The following VSTM4 variants were observed in gnomAD, a reference collection of about 807,000 sequenced individuals.
VSTM4 encodes V-set and transmembrane domain-containing protein 4.
In VSTM4, 20 loss-of-function variants were observed where a neutral mutation model predicts 36.4. The observed-to-expected ratio is 0.55, with a 90% CI of 0.39 to 0.80. The LOEUF (loss-of-function observed/expected upper bound fraction) is 0.80, where lower values mean the gene tolerates loss of function less well. Ranked by LOEUF, VSTM4 falls within the 30% of genes least tolerant of loss-of-function variation. The pLI is 0.00. For synonymous variants in VSTM4, 182 were observed against 173.9 expected, an observed-to-expected ratio of 1.05 and a Z score of -0.37; for missense variants, 392 against 404.5, an observed-to-expected ratio of 0.97 and a Z score of 0.26.
chr10:49,023,555 G>A (rs1038761064), intron 7 of VSTM4, among the ~76,000 whole-genome samples: 5 of 152,226 alleles, frequency 3.3e-5, no homozygotes, highest in Middle Eastern at 3.2e-3. Context: ...GGTTAAAGCA[G>A]GTGGTTGCAA....
Position 49,048,833 on chromosome 10 carries a change from T to G in VSTM4, c.669-249A>C, listed in dbSNP as rs139223047. On this transcript the variant is annotated intron_variant, in intron 5 of 7. Transcript: ENST00000332853. ...GCCAGTTGGTGATTTATAATGAATGTGCTGTTTACAGTCCCAAATTCCTTG... is the reference window on the plus strand; with the variant it reads ...GCCAGTTGGTGATTTATAATGAATGGGCTGTTTACAGTCCCAAATTCCTTG... 2.7e-3 allele frequency among the ~76,000 whole-genome samples: 413 copies of G among 152,330 alleles called. 1 individual carries two copies. The highest frequency in any genetic ancestry group is 9.3e-3 in the African/African-American group (387 of 41,576).
At chr10:49,080,424 C>A (rs1844258255) in intron 3 of VSTM4, among the ~76,000 whole-genome samples, 1 of 152,224 alleles carries the variant, frequency 6.6e-6, no homozygotes, top group African/African-American at 2.4e-5. Context: ...AGAACCTCTG[C>A]CCCTGGAGTC....
At chr10:49,051,390 C>CTTTTT (rs796786621) in intron 5 of VSTM4, among the ~76,000 whole-genome samples, 77 of 130,726 alleles carry the variant, frequency 5.9e-4, no homozygotes, top group Admixed American at 7.9e-4. Context: ...CAGCTCATTT[C>CTTTTT]TTTTTTTTTT....
At chr10:49,080,575 G>A (rs1397389607) in intron 3 of VSTM4, among the ~76,000 whole-genome samples, 3 of 152,278 alleles carry the variant, frequency 2.0e-5, no homozygotes, top group Non-Finnish European at 4.4e-5. Context: ...AGCAGGTGAA[G>A]GGTGCATCTG....
At chr10:49,101,894 T>G (rs1415011508) in intron 2 of VSTM4, among the ~76,000 whole-genome samples, 4 of 152,198 alleles carry the variant, frequency 2.6e-5, no homozygotes, top group Non-Finnish European at 4.4e-5. Context: ...ATAATACCAG[T>G]TACAAAAGAA....
At chr10:49,063,049 T>G (rs1225224612) in intron 5 of VSTM4, among the ~76,000 whole-genome samples, 1 of 151,656 alleles carries the variant, frequency 6.6e-6, no homozygotes, top group Non-Finnish European at 1.5e-5. Flanking sequence ...TAATAAAAAC[T>G]GCTTTAAGCC....
chr10:49,111,710 C>T (rs992398525), intron 1 of VSTM4, among the ~76,000 whole-genome samples: 1 of 152,198 alleles, frequency 6.6e-6, no homozygotes, highest in Non-Finnish European at 1.5e-5. Flanking sequence ...GCTTAAGCCT[C>T]ATGCAGCAGG....
At chr10:49,067,655 C>T (rs1009398713) in intron 4 of VSTM4, among the ~76,000 whole-genome samples, 5 of 152,182 alleles carry the variant, frequency 3.3e-5, no homozygotes, top group African/African-American at 1.2e-4. Context: ...AAATGAATCC[C>T]GCTGACACCT....
At chr10:49,068,584 G>A (rs1844016694) in intron 4 of VSTM4, among the ~76,000 whole-genome samples, 1 of 152,210 alleles carries the variant, frequency 6.6e-6, no homozygotes, top group Non-Finnish European at 1.5e-5. Flanking sequence ...CATCAAAGAT[G>A]AGGTTTACAG....
chr10:49,028,506 T>C (rs924078309), intron 7 of VSTM4, among the ~76,000 whole-genome samples: 1 of 152,354 alleles, frequency 6.6e-6, no homozygotes, highest in Non-Finnish European at 1.5e-5. Flanking sequence ...ATTTGGCTAC[T>C]GAGAGAAAAG....
Position 49,016,989 on chromosome 10 carries a change from C to G in VSTM4, c.*2661G>C, listed in dbSNP as rs2137918. 134,351 of 152,346 alleles carry G rather than the reference C, an allele frequency of 0.88. 59,870 individuals carry two copies. The highest frequency in any genetic ancestry group is 0.98 in the East Asian group (5,083 of 5,190). The allele number at this position is 152,346 out of a possible 1,614,324, so 9.4% of individuals were successfully genotyped here. A position where few individuals can be genotyped will look rare whatever the true frequency, so the allele number is the denominator to read the frequency against. ...CACTCTAACCAATGGGTTCATACTTCTTTTAGCTTCATTTAAACATTTAAG... is the reference window on the plus strand; with the variant it reads ...CACTCTAACCAATGGGTTCATACTTGTTTTAGCTTCATTTAAACATTTAAG... On this transcript the variant is annotated 3_prime_UTR_variant, in exon 8 of 8. Transcript: ENST00000332853.
intron 7 of VSTM4, among the ~76,000 whole-genome samples, chr10:49,029,191 C>T (rs573182994): frequency 2.0e-5 from 3 of 152,266 alleles, no homozygotes; most frequent in South Asian, 2.1e-4. Context: ...CTACTATCAT[C>T]GACATGCCTT....
At chr10:49,050,676 G>T (rs756074605) in intron 5 of VSTM4, among the ~76,000 whole-genome samples, 2 of 152,144 alleles carry the variant, frequency 1.3e-5, no homozygotes, top group Non-Finnish European at 2.9e-5. Flanking sequence ...TCTCAGAATT[G>T]TTTACATATA....
intron 5 of VSTM4, among the ~76,000 whole-genome samples, chr10:49,049,428 A>G (rs866353905): frequency 6.6e-6 from 1 of 152,288 alleles, no homozygotes; most frequent in Middle Eastern, 3.4e-3. Context: ...GGTGCTACTC[A>G]TGGGCTGGAG....
intron 4 of VSTM4, among the ~76,000 whole-genome samples, chr10:49,069,050 GAAACCA>G (rs1295517590): frequency 3.8e-4 from 57 of 151,840 alleles, no homozygotes; most frequent in African/African-American, 1.3e-3. Flanking sequence ...CTTTTCAGCT[GAAACCA>G]TGCTGCTCAC....
chr10:49,021,411 C>T (rs1299640504), intron 7 of VSTM4, among the ~76,000 whole-genome samples: 2 of 151,942 alleles, frequency 1.3e-5, no homozygotes, highest in African/African-American at 2.4e-5. Context: ...CATTTTCATG[C>T]TACACATGGC....
chr10:49,037,299 A>G (rs1418194554), intron 7 of VSTM4, among the ~76,000 whole-genome samples: 1 of 152,134 alleles, frequency 6.6e-6, no homozygotes, highest in African/African-American at 2.4e-5. Context: ...TCAGAGCCAC[A>G]CTTCTCAAAC....
chr10:49,080,373 T>G (rs570588775), intron 3 of VSTM4, among the ~76,000 whole-genome samples: 1 of 152,344 alleles, frequency 6.6e-6, no homozygotes, highest in South Asian at 2.1e-4. Context: ...AGGTTCCTTT[T>G]GACTCTCCCC....
intron 3 of VSTM4, 35 bp downstream of exon 3, chr10:49,085,920 T>C (rs772193080): frequency 7.4e-7 from 1 of 1,346,104 alleles, no homozygotes; most frequent in Admixed American, 2.2e-5. Context: ...AAAGCAACTA[T>C]AGAGCAATAA....
Sources: allele counts gnomAD v4.1 joint callset (sites outside exome capture counted in the v4.1 genomes callset), GRCh38; gene constraint gnomAD v4.1.1; transcripts MANE v1.5; gene names NCBI Gene and HGNC (gene_info 2026-07-23, HGNC 2026-07-21).